Variants in TAFA1 observed in about 807,000 individuals in gnomAD.
TAFA1 encodes the protein chemokine-like protein TAFA-1.
Under a neutral mutation model 18.5 loss-of-function variants are expected in TAFA1, and 4 were observed. The observed-to-expected ratio is 0.22, with a 90% CI of 0.11 to 0.49. TAFA1 has a LOEUF of 0.49. TAFA1 is among the 20% of genes least tolerant of loss of function. TAFA1 has a pLI of 0.98. For synonymous variants in TAFA1, 56 were observed against 55.2 expected, an observed-to-expected ratio of 1.01 and a Z score of -0.06; for missense variants, 147 against 169.0, an observed-to-expected ratio of 0.87 and a Z score of 0.72.
intron 2 of TAFA1, among the ~76,000 whole-genome samples, chr3:68,392,978 C>G (rs1176755342): frequency 6.6e-6 from 1 of 152,050 alleles, no homozygotes; most frequent in Non-Finnish European, 1.5e-5. Flanking sequence ...AATTCACAAG[C>G]TGTCAGAAGA....
chr3:68,101,470 T>A (rs892586760), intron 2 of TAFA1, among the ~76,000 whole-genome samples: 2 of 152,056 alleles, frequency 1.3e-5, no homozygotes, highest in Non-Finnish European at 2.9e-5. Flanking sequence ...TAAGAAAATG[T>A]GGCACACATA....
At chr3:68,417,220 G>A (rs751758272) in intron 2 of TAFA1, 60 bp from the exon 3 acceptor site, 5 of 1,485,324 alleles carry the variant, frequency 3.4e-6, no homozygotes, top group South Asian at 1.2e-5. Flanking sequence ...GCACTCCCAG[G>A]GGCTCGAATA....
At chr3:68,419,039 G>T (rs1397690123) in intron 3 of TAFA1, among the ~76,000 whole-genome samples, 2 of 152,190 alleles carry the variant, frequency 1.3e-5, no homozygotes, top group Non-Finnish European at 2.9e-5. Flanking sequence ...TCACATGGCT[G>T]TTGGGAGGTG....
chr3:68,169,393 A>G (rs890222214), intron 2 of TAFA1, among the ~76,000 whole-genome samples: 1 of 152,246 alleles, frequency 6.6e-6, no homozygotes, highest in Non-Finnish European at 1.5e-5. Context: ...TTCTAGACCT[A>G]GTCAATATCT....
At chr3:68,259,761 T>C (rs1385761395) in intron 2 of TAFA1, among the ~76,000 whole-genome samples, 1 of 151,868 alleles carries the variant, frequency 6.6e-6, no homozygotes, top group Non-Finnish European at 1.5e-5. Context: ...TGTATAAGAA[T>C]GCTTGTGATT....
intron 2 of TAFA1, among the ~76,000 whole-genome samples, chr3:68,079,705 C>T (rs554793926): frequency 6.6e-4 from 100 of 152,244 alleles, no homozygotes; most frequent in African/African-American, 2.4e-3. Flanking sequence ...TGTTCTTTTA[C>T]ATTTGCTGAG....
At chr3:68,425,616 A>G (rs556105895) in intron 3 of TAFA1, among the ~76,000 whole-genome samples, 14 of 152,078 alleles carry the variant, frequency 9.2e-5, no homozygotes, top group African/African-American at 2.9e-4. Context: ...GAATGAGAGG[A>G]TGAATGTACA....
At chr3:68,474,060 C>T (rs896182769) in intron 3 of TAFA1, among the ~76,000 whole-genome samples, 16 of 125,486 alleles carry the variant, frequency 1.3e-4, no homozygotes, top group Admixed American at 1.2e-3. Context: ...CCCCCCCCCC[C>T]AAGTAAATAA....
intron 2 of TAFA1, among the ~76,000 whole-genome samples, chr3:68,201,374 T>C (rs1375736987): frequency 1.3e-5 from 2 of 151,728 alleles, no homozygotes; most frequent in Non-Finnish European, 3.0e-5. Flanking sequence ...TGAAGAAATC[T>C]ATAGATGTGA....
At chr3:68,073,827 G>A (rs1473365373) in intron 2 of TAFA1, among the ~76,000 whole-genome samples, 1 of 152,084 alleles carries the variant, frequency 6.6e-6, no homozygotes. Flanking sequence ...TGTATTTAGT[G>A]AGTGCTTAGA....
At chr3:68,415,800 C>T (rs1376655071) in intron 2 of TAFA1, among the ~76,000 whole-genome samples, 1 of 152,170 alleles carries the variant, frequency 6.6e-6, no homozygotes, top group East Asian at 1.9e-4. Context: ...GATGAGGAAA[C>T]TAAGGCATTC....
intron 2 of TAFA1, among the ~76,000 whole-genome samples, chr3:68,337,463 G>T (rs1232925644): frequency 1.3e-5 from 2 of 152,080 alleles, no homozygotes; most frequent in Admixed American, 6.5e-5. Flanking sequence ...TGAGATTTGG[G>T]CAAGGACACA....
rs555619196 is a variant in TAFA1 at position 68,275,125 on chromosome 3, G to A, written c.119-142155G>A. 2.6e-4 allele frequency among the ~76,000 whole-genome samples: 39 copies of A among 152,184 alleles called. No homozygotes were observed. In the South Asian group the frequency reaches 7.7e-3, roughly 30 times the overall value. ...ATATATATTAATATGTATTTGCTGA[G>A]CACATCTAACGAAGAATTTATGGCA... is the stretch of plus-strand genomic sequence containing the variant. On this transcript the variant is annotated intron_variant, in intron 2 of 4. Transcript: ENST00000478136.
At chr3:68,330,999 G>A (rs1319574301) in intron 2 of TAFA1, among the ~76,000 whole-genome samples, 1 of 152,038 alleles carries the variant, frequency 6.6e-6, no homozygotes, top group Non-Finnish European at 1.5e-5. Context: ...GTTCACAGCA[G>A]CACAATTCAC....
intron 2 of TAFA1, among the ~76,000 whole-genome samples, chr3:68,018,532 C>T (rs76481200): frequency 0.97 from 148,097 of 152,278 alleles, 72,038 homozygotes; most frequent in African/African-American, 0.99. Context: ...TACAGTTACC[C>T]AGTAGTAATA....
intron 2 of TAFA1, among the ~76,000 whole-genome samples, chr3:68,058,669 A>G (rs1444715055): frequency 1.3e-5 from 2 of 152,364 alleles, no homozygotes; most frequent in East Asian, 3.9e-4. Context: ...TTAAAACGAT[A>G]CACAAAGCCA....
chr3:68,259,672 C>G (rs1490812852), intron 2 of TAFA1, among the ~76,000 whole-genome samples: 1 of 152,042 alleles, frequency 6.6e-6, no homozygotes, highest in Non-Finnish European at 1.5e-5. Context: ...AAGTTGGATT[C>G]CTAGGTATTT....
intron 2 of TAFA1, among the ~76,000 whole-genome samples, chr3:68,132,133 T>C (rs1013800463): frequency 1.1e-4 from 17 of 152,144 alleles, no homozygotes; most frequent in Non-Finnish European, 4.4e-5. Context: ...AAGTGGTGTT[T>C]GGTTTTCTGT....
In TAFA1 at chr3:68,099,872, T is replaced by C. The variant is rs1404346312; in HGVS notation, c.118+93128T>C. On this transcript the variant is annotated intron_variant, in intron 2 of 4. Transcript: ENST00000478136. Reference sequence around the variant, plus strand: ...CAACATACATGCAGCTGGAGGCCACTGTCCTTAGCAAAATTAACACAGTAA... The same window carrying C: ...CAACATACATGCAGCTGGAGGCCACCGTCCTTAGCAAAATTAACACAGTAA... Among the ~76,000 whole-genome samples the C allele has an allele frequency of 3.9e-5, 6 of 152,152 alleles. No individual in the cohort carries two copies. In the East Asian group the frequency reaches 9.7e-4, roughly 24 times the overall value.
Sources: gnomAD v4.1 joint callset for allele counts (sites outside exome capture counted in the v4.1 genomes callset) on GRCh38, gnomAD v4.1.1 for gene constraint, MANE v1.5 for transcripts, NCBI Gene and HGNC (gene_info 2026-07-23, HGNC 2026-07-21) for gene names.